SV2C: variants seen among roughly 807,000 people sequenced by gnomAD.
SV2C encodes the protein solute carrier family 22 member B3.
A neutral mutation model predicts 79.7 loss-of-function variants in SV2C; 49 were observed. That is an observed-to-expected ratio of 0.61 (90% CI 0.49 to 0.78). The LOEUF (loss-of-function observed/expected upper bound fraction) is 0.78. SV2C is among the 30% of genes least tolerant of loss of function. SV2C has a pLI of 0.00. For synonymous variants in SV2C, 334 were observed against 333.2 expected (o/e 1.00, Z -0.03); for missense variants, 833 against 912.9 (o/e 0.91, Z 1.13).
intron 1 of SV2C, among the ~76,000 whole-genome samples, chr5:76,106,816 T>C (rs1163845281): frequency 1.3e-5 from 2 of 152,310 alleles, no homozygotes; most frequent in Middle Eastern, 3.4e-3. Context: ...TACTCTTTTT[T>C]TTCATAGCAT....
chr5:76,105,533 A>C (rs1747881936), intron 1 of SV2C, among the ~76,000 whole-genome samples: 1 of 152,020 alleles, frequency 6.6e-6, no homozygotes. Flanking sequence ...CCCTTTCTCT[A>C]AGTTTATTTA....
At chr5:76,150,665 T>C (rs1323269267) in intron 2 of SV2C, among the ~76,000 whole-genome samples, 1 of 117,922 alleles carries the variant, frequency 8.5e-6, no homozygotes, top group Non-Finnish European at 1.7e-5. Context: ...TGAGACCAGG[T>C]GTCACTCTGT....
chr5:76,242,061 T>C, intron 4 of SV2C: 1 of 1,446,114 alleles, frequency 6.9e-7, no homozygotes, highest in South Asian at 1.1e-5. Flanking sequence ...TTTCTGCGCC[T>C]GGTCTGTTTT....
upstream of SV2C, among the ~76,000 whole-genome samples, chr5:76,082,944 G>A (rs30198): frequency 0.4 from 60,546 of 152,044 alleles, 12,958 homozygotes; most frequent in East Asian, 0.72. Context: ...TGCTAACAGA[G>A]TCCAGCAGTC....
chr5:75,903,029 T>C, the SV2C span, among the ~76,000 whole-genome samples: 1 of 152,318 alleles, frequency 6.6e-6, no homozygotes, highest in South Asian at 2.1e-4. Flanking sequence ...TTCTTGTTTT[T>C]ATTTTTCAGT....
chr5:75,943,880 G>T, the SV2C span, among the ~76,000 whole-genome samples: 1 of 152,126 alleles, frequency 6.6e-6, no homozygotes, highest in South Asian at 2.1e-4. Context: ...TTTGGCAACA[G>T]AACTTATTAC....
the SV2C span, among the ~76,000 whole-genome samples, chr5:75,980,362 T>C: frequency 4.6e-5 from 7 of 152,144 alleles, no homozygotes; most frequent in Non-Finnish European, 7.4e-5. Flanking sequence ...TAACTGATTC[T>C]ATGAGGCCAG....
At chr5:76,222,151 A>G (rs1358766978) in intron 4 of SV2C, among the ~76,000 whole-genome samples, 1 of 152,182 alleles carries the variant, frequency 6.6e-6, no homozygotes, top group East Asian at 1.9e-4. Context: ...CACCTAACAT[A>G]TCACTCCTGG....
the SV2C span, among the ~76,000 whole-genome samples, chr5:75,875,732 AAC>A: frequency 6.6e-6 from 1 of 152,170 alleles, no homozygotes; most frequent in Admixed American, 6.5e-5. Flanking sequence ...TTACAAGAAA[AAC>A]AGACAACCCC....
chr5:76,149,636 G>A (rs1459505253), intron 2 of SV2C, among the ~76,000 whole-genome samples: 2 of 152,196 alleles, frequency 1.3e-5, no homozygotes, highest in South Asian at 2.1e-4. Flanking sequence ...TGTATGAAGG[G>A]TGAAGTTTTG....
At chr5:76,045,137 C>T in the SV2C span, among the ~76,000 whole-genome samples, 4 of 152,170 alleles carry the variant, frequency 2.6e-5, no homozygotes, top group African/African-American at 9.7e-5. Context: ...GTATGGCTAA[C>T]CAGTTTTCCC....
chr5:76,109,655 A>G (rs944097122), intron 1 of SV2C, among the ~76,000 whole-genome samples: 4 of 152,206 alleles, frequency 2.6e-5, no homozygotes, highest in Non-Finnish European at 5.9e-5. Flanking sequence ...AATTTGGCAC[A>G]GACACATAGG....
the SV2C span, among the ~76,000 whole-genome samples, chr5:75,885,565 A>G: frequency 6.6e-6 from 1 of 152,174 alleles, no homozygotes; most frequent in African/African-American, 2.4e-5. Flanking sequence ...GCTAACTACT[A>G]TGCTATGAGT....
the SV2C span, among the ~76,000 whole-genome samples, chr5:75,948,709 T>A: frequency 0.31 from 47,203 of 151,534 alleles, 7,361 homozygotes; most frequent in Middle Eastern, 0.38. Flanking sequence ...AAGGAAAGAG[T>A]AAATATAAAA....
chr5:76,264,491 G>A (rs1469153301), intron 4 of SV2C, among the ~76,000 whole-genome samples: 3 of 152,046 alleles, frequency 2.0e-5, no homozygotes, highest in Non-Finnish European at 4.4e-5. Context: ...GAGAAGTTGC[G>A]ATCATTTGAA....
the SV2C span, among the ~76,000 whole-genome samples, chr5:76,035,118 T>C: frequency 6.6e-6 from 1 of 152,184 alleles, no homozygotes; most frequent in East Asian, 1.9e-4. Flanking sequence ...TTTTATTGCG[T>C]CTATTTGATT....
chr5:76,237,038 G>C (rs1745636930), intron 4 of SV2C, among the ~76,000 whole-genome samples: 2 of 152,142 alleles, frequency 1.3e-5, no homozygotes, highest in Admixed American at 6.5e-5. Flanking sequence ...CTTCTCCTTT[G>C]CCTTCAATCA....
chr5:76,030,268 T>G, the SV2C span, among the ~76,000 whole-genome samples: 13 of 92,986 alleles, frequency 1.4e-4, no homozygotes, highest in African/African-American at 5.9e-4. Flanking sequence ...AGAGGCTTGT[T>G]TTTTTTTTTT....
chr5:76,277,627 A>G (rs1747061589), intron 4 of SV2C, among the ~76,000 whole-genome samples: 1 of 152,098 alleles, frequency 6.6e-6, no homozygotes, highest in South Asian at 2.1e-4. Flanking sequence ...TTAGCCGGGC[A>G]TGGTGGCGCT....
Sources: gnomAD v4.1 joint callset for allele counts (sites outside exome capture counted in the v4.1 genomes callset) on GRCh38, gnomAD v4.1.1 for gene constraint, MANE v1.5 for transcripts, NCBI Gene and HGNC (gene_info 2026-07-23, HGNC 2026-07-21) for gene names.